The following TRIM33 variants were observed in gnomAD, a reference collection of about 807,000 sequenced individuals.
TRIM33 encodes the protein E3 ubiquitin-protein ligase TRIM33.
In TRIM33, 20 loss-of-function variants were observed where a neutral mutation model predicts 125.4. The observed-to-expected ratio is 0.16, with a 90% CI of 0.11 to 0.23. The LOEUF (loss-of-function observed/expected upper bound fraction) is 0.23. Ranked by LOEUF, TRIM33 falls within the 10% of genes least tolerant of loss-of-function variation. The pLI is 1.00. For missense variants in TRIM33, 920 were observed against 1,411.4 expected, an observed-to-expected ratio of 0.65 and a Z score of 5.58; for synonymous variants, 564 against 513.9, an observed-to-expected ratio of 1.10 and a Z score of -1.32.
At chr1:114,433,103 A>G (rs751245338) in intron 5 of TRIM33, among the ~76,000 whole-genome samples, 1 of 152,246 alleles carries the variant, frequency 6.6e-6, no homozygotes, top group Non-Finnish European at 1.5e-5. Flanking sequence ...CCAAAGTAGA[A>G]TACTTTTTAA....
At chr1:114,493,681 T>G (rs1652203035) in intron 1 of TRIM33, among the ~76,000 whole-genome samples, 3 of 152,180 alleles carry the variant, frequency 2.0e-5, no homozygotes, top group South Asian at 2.1e-4. Context: ...CAACATCCTT[T>G]TTTTGTTTTG....
intron 4 of TRIM33, among the ~76,000 whole-genome samples, chr1:114,450,774 A>AT (rs1229333148): frequency 1.3e-5 from 2 of 152,124 alleles, no homozygotes; most frequent in Non-Finnish European, 2.9e-5. Context: ...GCATACTATC[A>AT]TTTTATGATG....
At chr1:114,459,577 C>G (rs769614777) in intron 4 of TRIM33, among the ~76,000 whole-genome samples, 5 of 152,102 alleles carry the variant, frequency 3.3e-5, no homozygotes, top group African/African-American at 9.7e-5. Context: ...TAAATCCAGC[C>G]TGGGCGACAT....
chr1:114,439,862 A>G (rs1380689955), intron 4 of TRIM33, among the ~76,000 whole-genome samples: 1 of 152,230 alleles, frequency 6.6e-6, no homozygotes, highest in Non-Finnish European at 1.5e-5. Context: ...GATGGAAACA[A>G]TGAGAGTGGA....
At chr1:114,428,338 G>C (rs1210912430) in intron 6 of TRIM33, among the ~76,000 whole-genome samples, 2 of 152,104 alleles carry the variant, frequency 1.3e-5, no homozygotes, top group South Asian at 4.1e-4. Flanking sequence ...AAATATATAA[G>C]ACAAAATGAA....
intron 4 of TRIM33, among the ~76,000 whole-genome samples, chr1:114,437,917 G>A (rs1648407075): frequency 1.3e-5 from 2 of 152,112 alleles, no homozygotes; most frequent in African/African-American, 4.8e-5. Flanking sequence ...CATGAGTAAA[G>A]GGTAGGAGAT....
In TRIM33 at chr1:114,409,905, G is replaced by A. The variant is rs571043261; in HGVS notation, c.2194+279C>T. ...CCCTTTTAAGAGAGAAGAGAAGACG[G>A]AGCCCTGTTCTCTCCCCTACCTCCT... On this transcript the variant is annotated intron_variant, in intron 12 of 19. Coordinates refer to ENST00000358465, the MANE Select transcript of TRIM33 (RefSeq NM_015906.4). Among the ~76,000 whole-genome samples the A allele has an allele frequency of 9.9e-5, 15 of 152,114 alleles. No homozygotes were observed. The South Asian group carries it at 2.5e-3, about 25-fold the overall frequency.
At chr1:114,425,224 G>C (rs1414638207) in intron 9 of TRIM33, among the ~76,000 whole-genome samples, 2 of 152,176 alleles carry the variant, frequency 1.3e-5, no homozygotes, top group African/African-American at 4.8e-5. Flanking sequence ...CATCCTTTCA[G>C]AGTATTAGTG....
At chr1:114,496,228 T>C (rs962622299) in intron 1 of TRIM33, among the ~76,000 whole-genome samples, 3 of 152,240 alleles carry the variant, frequency 2.0e-5, no homozygotes, top group Non-Finnish European at 4.4e-5. Flanking sequence ...TTGTGAGGGA[T>C]AGTATTTAAG....
chr1:114,499,458 G>A lies in TRIM33; in HGVS notation c.526+11093C>T, dbSNP rs561841967. Among the ~76,000 whole-genome samples the A allele has an allele frequency of 1.9e-3, 293 of 150,662 alleles. 1 individual carries two copies. The highest frequency in any genetic ancestry group is 6.6e-3 in the African/African-American group (271 of 41,174). Reference sequence around the variant, plus strand: ...AAGAAATCTGTCACTGTCTGGGTTCGGGGTAAGGAAAAAAGTTTTCTCCTG... The same window carrying A: ...AAGAAATCTGTCACTGTCTGGGTTCAGGGTAAGGAAAAAAGTTTTCTCCTG... On this transcript the variant is annotated intron_variant, in intron 1 of 19. Coordinates refer to ENST00000358465, the MANE Select transcript of TRIM33 (RefSeq NM_015906.4).
Position 114,427,280 on chromosome 1 carries a change from C to T in TRIM33, c.1317G>A (p.Leu439=), listed in dbSNP as rs765444403. ...LYSKRLITFQ[L]RHILKARCDP... ...CACACCGTGCTTTCAAAATATGACG[C>T]AACTGGAAAGTAATCTTAAAGGGAA... The change falls in exon 8 of 20, where the codon TTG becomes TTA. Residue 439 remains leucine (L), a synonymous_variant. Coordinates refer to ENST00000358465, the MANE Select transcript of TRIM33 (RefSeq NM_015906.4). The T allele has an allele frequency of 6.0e-5, 94 of 1,570,312 alleles. No individual in the cohort carries two copies. Among genetic ancestry groups the T allele is most frequent in the Non-Finnish European group, 6.9e-6 (8 of 1,151,724 alleles).
intron 4 of TRIM33, among the ~76,000 whole-genome samples, chr1:114,454,649 C>G (rs907199959): frequency 1.3e-5 from 2 of 149,684 alleles, no homozygotes; most frequent in Non-Finnish European, 3.0e-5. Context: ...CACTCGAAGC[C>G]TGGGCAATAG....
chr1:114,484,153 G>A (rs1651525285), intron 1 of TRIM33, among the ~76,000 whole-genome samples: 1 of 150,994 alleles, frequency 6.6e-6, no homozygotes, highest in Non-Finnish European at 1.5e-5. Flanking sequence ...AAAATTCAAG[G>A]AGCTCTTAAG....
At chr1:114,465,947 A>C (rs1007378980) in intron 1 of TRIM33, among the ~76,000 whole-genome samples, 5 of 151,790 alleles carry the variant, frequency 3.3e-5, no homozygotes, top group African/African-American at 9.7e-5. Flanking sequence ...GGAGGGCGAG[A>C]TAGGAGAATC....
Position 114,392,967 on chromosome 1 carries a change from C to T in TRIM33, c.*4681G>A, listed in dbSNP as rs1557834606. 5.0e-6 allele frequency: 1 copy of T among 200,852 alleles called. No individual in the cohort carries two copies. The highest frequency in any genetic ancestry group is 1.0e-5 in the Non-Finnish European group (1 of 97,362). 12.4% of individuals were successfully genotyped at this position (200,852 alleles called of 1,614,324 possible). A position where few individuals can be genotyped will look rare whatever the true frequency, so the allele number is the denominator to read the frequency against. ...AGAAAAAACTTGCTTTTATTACACACCAGCAAAAACACAGGAACGAAACAA... is the reference window on the plus strand; with the variant it reads ...AGAAAAAACTTGCTTTTATTACACATCAGCAAAAACACAGGAACGAAACAA... On this transcript the variant is annotated 3_prime_UTR_variant, in exon 20 of 20. Coordinates refer to ENST00000358465, the MANE Select transcript of TRIM33 (RefSeq NM_015906.4).
intron 4 of TRIM33, among the ~76,000 whole-genome samples, chr1:114,445,610 AGAG>A (rs1035993498): frequency 1.3e-5 from 2 of 152,220 alleles, no homozygotes; most frequent in African/African-American, 4.8e-5. Flanking sequence ...CGAACGCCAC[AGAG>A]GATAAACAGA....
chr1:114,504,462 G>T (rs144977198), intron 1 of TRIM33, among the ~76,000 whole-genome samples: 8 of 152,284 alleles, frequency 5.3e-5, no homozygotes, highest in Non-Finnish European at 7.3e-5. Flanking sequence ...TTCACGCAGA[G>T]GTGATGGCAG....
chr1:114,397,589 G>GTTTTTTTTTTTTTTTTTTTGTTTTT lies in TRIM33; in HGVS notation c.*58_*59insAAAAACAAAAAAAAAAAAAAAAAAA. 1 of 637,682 alleles carries GTTTTTTTTTTTTTTTTTTTGTTTTT rather than the reference G, an allele frequency of 1.6e-6. No homozygotes were observed. The highest frequency in any genetic ancestry group is 2.1e-5 in the South Asian group (1 of 48,376). The allele number at this position is 637,682 out of a possible 1,614,324, so 39.5% of individuals were successfully genotyped here. On this transcript the variant is annotated 3_prime_UTR_variant, in exon 20 of 20. Transcript: ENST00000358465. ...CTTAAAAGTTTTCTGGGTTTTTTGT[G>GTTTTTTTTTTTTTTTTTTTGTTTTT]TTTTTTTTTTTTTTTTCGTTTTTTT...
chr1:114,404,715 C>T (rs1240761844), intron 15 of TRIM33: 3 of 151,632 alleles, frequency 2.0e-5, no homozygotes, highest in Non-Finnish European at 4.4e-5. Context: ...GTTTAAATAT[C>T]TACTAGTTTT....
Sources: allele counts gnomAD v4.1 joint callset (sites outside exome capture counted in the v4.1 genomes callset), GRCh38; gene constraint gnomAD v4.1.1; transcripts MANE v1.5; gene names NCBI Gene and HGNC (gene_info 2026-07-23, HGNC 2026-07-21).